The following LUZP1 variants were observed in gnomAD, a reference collection of about 807,000 sequenced individuals.
LUZP1 encodes leucine zipper protein 1, also known as filamin mechanobinding actin cross-linking protein.
Under a neutral mutation model 71.3 loss-of-function variants are expected in LUZP1, and 25 were observed. The observed-to-expected ratio is 0.35, with a 90% CI of 0.26 to 0.49. The LOEUF is 0.49. LUZP1 is among the 20% of genes least tolerant of loss of function. The pLI is 0.99. For missense variants in LUZP1, 1,142 were observed against 1,300.8 expected (o/e 0.88, Z 1.88); for synonymous variants, 481 against 506.4 (o/e 0.95, Z 0.67).
chr1:23,162,693 A>T (rs572037397), intron 2 of LUZP1: 15 of 152,322 alleles, frequency 9.8e-5, no homozygotes, highest in African/African-American at 3.6e-4. Flanking sequence ...CCAGATAAAA[A>T]CAGGAATAGA....
At chr1:23,150,880 C>T (rs1172220723) in intron 2 of LUZP1, among the ~76,000 whole-genome samples, 4 of 152,144 alleles carry the variant, frequency 2.6e-5, no homozygotes, top group Non-Finnish European at 5.9e-5. Flanking sequence ...AGTTGCTGAA[C>T]TGTGTCAACA....
intron 2 of LUZP1, among the ~76,000 whole-genome samples, chr1:23,111,771 C>T (rs1188733693): frequency 1.3e-5 from 2 of 151,616 alleles, no homozygotes; most frequent in Admixed American, 6.6e-5. Flanking sequence ...CCCCTCCCCA[C>T]CCACCTTACA....
At chr1:23,158,968 G>T (rs1433540542) in intron 2 of LUZP1, among the ~76,000 whole-genome samples, 1 of 151,630 alleles carries the variant, frequency 6.6e-6, no homozygotes, top group African/African-American at 2.4e-5. Context: ...TGGGTTGGGG[G>T]TAAGAGAAGA....
chr1:23,163,854 T>C (rs921289376), intron 2 of LUZP1: 3 of 152,194 alleles, frequency 2.0e-5, no homozygotes, highest in South Asian at 4.1e-4. Context: ...TGCCCCTCAC[T>C]TGCTCTGGCA....
At chr1:23,143,663 G>T (rs1397144718) in intron 2 of LUZP1, among the ~76,000 whole-genome samples, 1 of 152,174 alleles carries the variant, frequency 6.6e-6, no homozygotes, top group African/African-American at 2.4e-5. Context: ...ACAAATCTGA[G>T]ATAAGTATTA....
intron 3 of LUZP1, among the ~76,000 whole-genome samples, chr1:23,097,640 G>A (rs906277275): frequency 2.0e-5 from 3 of 152,032 alleles, no homozygotes; most frequent in African/African-American, 7.2e-5. Flanking sequence ...ACACCAGCCT[G>A]GGCACAACAC....
intron 3 of LUZP1, among the ~76,000 whole-genome samples, chr1:23,102,488 T>G (rs1235477676): frequency 6.6e-6 from 1 of 152,218 alleles, no homozygotes; most frequent in Non-Finnish European, 1.5e-5. Context: ...TTTAAAAAGT[T>G]TGATAGTATA....
At chr1:23,112,105 G>C (rs374763067) in intron 2 of LUZP1, among the ~76,000 whole-genome samples, 1 of 152,118 alleles carries the variant, frequency 6.6e-6, no homozygotes, top group Non-Finnish European at 1.5e-5. Context: ...AACTGTCTAC[G>C]TTCTCTCATA....
intron 2 of LUZP1, among the ~76,000 whole-genome samples, chr1:23,159,087 C>T (rs919565425): frequency 6.6e-6 from 1 of 151,634 alleles, no homozygotes; most frequent in Non-Finnish European, 1.5e-5. Flanking sequence ...AGGTCTGTAA[C>T]CCCAGCACTT....
At chr1:23,110,384 T>C (rs1644018277) in intron 2 of LUZP1, among the ~76,000 whole-genome samples, 2 of 152,186 alleles carry the variant, frequency 1.3e-5, no homozygotes, top group South Asian at 4.2e-4. Flanking sequence ...AAACTTCTTG[T>C]GTTATCTTAC....
chr1:23,131,678 A>ATTTCT (rs146837427), intron 2 of LUZP1, among the ~76,000 whole-genome samples: 1 of 151,280 alleles, frequency 6.6e-6, no homozygotes, highest in African/African-American at 2.4e-5. Context: ...TTATTCATTT[A>ATTTCT]TTTATTTTAT....
At chr1:23,138,293 T>C (rs1487189033) in intron 2 of LUZP1, among the ~76,000 whole-genome samples, 1 of 152,278 alleles carries the variant, frequency 6.6e-6, no homozygotes, top group South Asian at 2.1e-4. Context: ...AGTATTATTA[T>C]ACAATGGGTT....
At chr1:23,120,104 A>G (rs1356114333) in intron 2 of LUZP1, among the ~76,000 whole-genome samples, 1 of 151,982 alleles carries the variant, frequency 6.6e-6, no homozygotes, top group African/African-American at 2.4e-5. Flanking sequence ...CACCACAACA[A>G]GCTAAGTTTT....
At chr1:23,092,330 C>G (rs901979657) in exon 4 of LUZP1, 1 of 1,614,054 alleles carries the variant, frequency 6.2e-7, no homozygotes, top group African/African-American at 1.3e-5. Context: ...CTCGACACCT[C>G]AAGGCTTCAT....
At chr1:23,104,930 CT>C (rs1643968797) in intron 3 of LUZP1, among the ~76,000 whole-genome samples, 1 of 152,100 alleles carries the variant, frequency 6.6e-6, no homozygotes, top group Non-Finnish European at 1.5e-5. Flanking sequence ...CTATGCCCTA[CT>C]TTTATATATA....
Position 23,093,617 on chromosome 1 carries a change from A to G in LUZP1, c.645T>C (p.Thr215=). 2 of 1,611,616 alleles carry G rather than the reference A, an allele frequency of 1.2e-6. No homozygotes were observed. The highest frequency in any genetic ancestry group is 8.5e-7 in the Non-Finnish European group (1 of 1,179,500). ...TTTTTTTGTTCTGCTCTAGTTTTTGAGTGAGTTCTTTTATCAATTTCTCAT... is the reference window on the plus strand; with the variant it reads ...TTTTTTTGTTCTGCTCTAGTTTTTGGGTGAGTTCTTTTATCAATTTCTCAT... The change falls in exon 4 of 5, where the codon ACT becomes ACC. Residue 215 remains threonine, a synonymous_variant. Coordinates refer to ENST00000302291, the Ensembl canonical transcript of LUZP1. This position sits in a 1 kb window ranked among gnomAD's most constrained non-coding sequence, Gnocchi z 4.2.
chr1:23,111,199 CAAAAAAA>C (rs56805419), intron 2 of LUZP1, among the ~76,000 whole-genome samples: 1 of 96,266 alleles, frequency 1.0e-5, no homozygotes, highest in Non-Finnish European at 2.1e-5. Context: ...GACGCTGTCT[CAAAAAAA>C]AAAAAAAAAA....
chr1:23,105,138 T>A (rs755013061), intron 3 of LUZP1, among the ~76,000 whole-genome samples: 8 of 152,178 alleles, frequency 5.3e-5, no homozygotes, highest in African/African-American at 1.4e-4. Flanking sequence ...TCTAGCAGGA[T>A]AAACTAGGGT....
exon 5 of LUZP1, chr1:23,087,725 G>C (rs1034356030): frequency 6.6e-6 from 1 of 152,564 alleles, no homozygotes; most frequent in Non-Finnish European, 1.5e-5. Context: ...ATTTATTTAC[G>C]TGGCTTTCTG....
Sources: allele counts gnomAD v4.1 joint callset (sites outside exome capture counted in the v4.1 genomes callset), GRCh38; gene constraint gnomAD v4.1.1; non-coding constraint Gnocchi (gnomAD v3.1); transcripts MANE v1.5; gene names NCBI Gene and HGNC (gene_info 2026-07-23, HGNC 2026-07-21).